Variants in SRD5A1 observed in about 807,000 individuals in gnomAD.
SRD5A1 encodes the protein 3-oxo-5-alpha-steroid 4-dehydrogenase 1.
Under a neutral mutation model 28.2 loss-of-function variants are expected in SRD5A1, and 22 were observed. The observed-to-expected ratio is 0.78, with a 90% CI of 0.56 to 1.12. SRD5A1 has a LOEUF of 1.12. Among genes scored for constraint, SRD5A1 ranks in the 50% most tolerant of loss-of-function variants. SRD5A1 has a pLI of 0.00. For synonymous variants in SRD5A1, 151 were observed against 135.0 expected, an observed-to-expected ratio of 1.12 and a Z score of -0.82; for missense variants, 300 against 346.7, an observed-to-expected ratio of 0.87 and a Z score of 1.07.
rs2126558215 is a variant in SRD5A1 at position 6,668,925 on chromosome 5, G to T, written c.*657G>T. The T allele has an allele frequency of 6.6e-6, 1 of 152,490 alleles. No individual in the cohort carries two copies. The highest frequency in any genetic ancestry group is 6.5e-5 in the Admixed American group (1 of 15,316). 9.4% of individuals were successfully genotyped at this position (152,490 alleles called of 1,614,324 possible). Reference sequence around the variant, plus strand: ...ACATCACCGGGCAGGGAGGGGTGCTGGTGGTGGTTCATACGGAGTAAGCTG... The same window carrying T: ...ACATCACCGGGCAGGGAGGGGTGCTTGTGGTGGTTCATACGGAGTAAGCTG... On this transcript the variant is annotated 3_prime_UTR_variant, in exon 5 of 5. Transcript: ENST00000274192.
At chr5:6,651,524 G>A (rs1390090276) in intron 1 of SRD5A1, among the ~76,000 whole-genome samples, 1 of 152,040 alleles carries the variant, frequency 6.6e-6, no homozygotes, top group African/African-American at 2.4e-5. Context: ...AATAAGTGTG[G>A]TGGCACATGC....
intron 4 of SRD5A1, among the ~76,000 whole-genome samples, chr5:6,664,374 GAAGAAGA>G (rs1019636322): frequency 1.2e-4 from 18 of 152,242 alleles, no homozygotes; most frequent in African/African-American, 4.3e-4. Flanking sequence ...TTGGAGATAA[GAAGAAGA>G]AAGGTCATAT....
chr5:6,645,125 A>T, intron 1 of SRD5A1: 7 of 401,062 alleles, frequency 1.7e-5, no homozygotes, highest in South Asian at 1.3e-4. Context: ...TGTCTTCCCC[A>T]GGAGTTAAGT....
intron 3 of SRD5A1, among the ~76,000 whole-genome samples, chr5:6,659,352 A>C (rs1334076799): frequency 6.6e-6 from 1 of 151,966 alleles, no homozygotes; most frequent in Non-Finnish European, 1.5e-5. Context: ...TGACCTCGTG[A>C]TCCGCCCACC....
chr5:6,663,636 G>A (rs1289770933), intron 4 of SRD5A1, among the ~76,000 whole-genome samples: 1 of 152,188 alleles, frequency 6.6e-6, no homozygotes, highest in East Asian at 1.9e-4. Context: ...AAGGCCGGTG[G>A]ATCACTTGAG....
intron 4 of SRD5A1, among the ~76,000 whole-genome samples, chr5:6,663,667 C>T (rs918011374): frequency 6.6e-6 from 1 of 152,130 alleles, no homozygotes; most frequent in Non-Finnish European, 1.5e-5. Context: ...CAAGACTCAC[C>T]TGGCCAACAT....
In SRD5A1 at chr5:6,633,465, G is replaced by C. The variant is rs1738038385; in HGVS notation, c.-112G>C. ...CCTTTCTGCAGAGTCCCGGCAGTGC[G>C]GGACTCCGGTAGCCGCCCCTCCGGT... On this transcript the variant is annotated 5_prime_UTR_variant, in exon 1 of 5. Transcript: ENST00000274192. The C allele has an allele frequency of 8.1e-7, 1 of 1,233,110 alleles. No homozygotes were observed. The highest frequency in any genetic ancestry group is 1.7e-5 in the South Asian group (1 of 57,968). 76.4% of individuals were successfully genotyped at this position (1,233,110 alleles called of 1,614,324 possible).
intron 1 of SRD5A1, 53 bp from the exon 2 acceptor site, chr5:6,651,789 A>ATCTT: frequency 6.6e-7 from 1 of 1,512,094 alleles, no homozygotes; most frequent in Non-Finnish European, 9.0e-7. Flanking sequence ...AGGATTACAG[A>ATCTT]AATGATTATC....
chr5:6,665,001 CTG>C (rs1417709341), intron 4 of SRD5A1, among the ~76,000 whole-genome samples: 1 of 152,274 alleles, frequency 6.6e-6, no homozygotes, highest in African/African-American at 2.4e-5. Context: ...GTGCTGAGAA[CTG>C]TGTCTGCCAG....
rs1739245723 is a variant in SRD5A1, at chr5:6,668,189, T to G, written c.714-13T>G. 1 of 1,515,090 alleles carries G rather than the reference T, an allele frequency of 6.6e-7. No homozygotes were observed. The highest frequency in any genetic ancestry group is 1.2e-5 in the South Asian group (1 of 81,382). 93.9% of individuals were successfully genotyped at this position (1,515,090 alleles called of 1,614,324 possible). A position where few individuals can be genotyped will look rare whatever the true frequency, so the allele number is the denominator to read the frequency against. ...CGACAGAATTATTTCCTTTTTTAATTTTTTTTTCTTAGGTGGTACCTCCGG... is the reference window on the plus strand; with the variant it reads ...CGACAGAATTATTTCCTTTTTTAATGTTTTTTTCTTAGGTGGTACCTCCGG... On this transcript the variant is annotated splice_polypyrimidine_tract_variant and intron_variant, in intron 4 of 4. Coordinates refer to ENST00000274192, the MANE Select transcript of SRD5A1 (RefSeq NM_001047.4).
intron 4 of SRD5A1, among the ~76,000 whole-genome samples, chr5:6,666,355 A>G (rs8192242): frequency 0.01 from 1,539 of 152,282 alleles, 13 homozygotes; most frequent in Non-Finnish European, 0.014. Context: ...TCACCGTGTC[A>G]GCCAGGATGG....
At chr5:6,648,568 T>C (rs181808626) in intron 1 of SRD5A1, among the ~76,000 whole-genome samples, 67 of 152,372 alleles carry the variant, frequency 4.4e-4, no homozygotes, top group African/African-American at 1.6e-3. Flanking sequence ...TTGATACTTG[T>C]GTATGCTTCA....
chr5:6,656,489 T>A (rs1738839655), intron 3 of SRD5A1, among the ~76,000 whole-genome samples: 1 of 152,180 alleles, frequency 6.6e-6, no homozygotes, highest in Non-Finnish European at 1.5e-5. Flanking sequence ...AGCAGTATAA[T>A]GGAATAGATA....
chr5:6,664,848 C>T (rs994187632), intron 4 of SRD5A1, among the ~76,000 whole-genome samples: 2 of 152,240 alleles, frequency 1.3e-5, no homozygotes, highest in African/African-American at 2.4e-5. Context: ...CAGAGAGCCA[C>T]GACCTACCTA....
At position 6,633,517 on chromosome 5, in the gene SRD5A1, C is replaced by T; in HGVS notation, c.-60C>T. The T allele has an allele frequency of 7.2e-7, 1 of 1,396,394 alleles. No individual in the cohort carries two copies. Among genetic ancestry groups the T allele is most frequent in the Non-Finnish European group, 9.2e-7 (1 of 1,084,396 alleles). 86.5% of individuals were successfully genotyped at this position (1,396,394 alleles called of 1,614,324 possible). A position where few individuals can be genotyped will look rare whatever the true frequency, so the allele number is the denominator to read the frequency against. On this transcript the variant is annotated 5_prime_UTR_variant, in exon 1 of 5. Coordinates refer to ENST00000274192, the MANE Select transcript of SRD5A1 (RefSeq NM_001047.4). ...GCCGCCCCTCCTGCCCCCGCGCCGCCGCCCTATATGTTGCCCGCCGCGGCC... is the reference window on the plus strand; with the variant it reads ...GCCGCCCCTCCTGCCCCCGCGCCGCTGCCCTATATGTTGCCCGCCGCGGCC...
intron 1 of SRD5A1, among the ~76,000 whole-genome samples, chr5:6,642,343 T>G (rs1298640317): frequency 6.6e-6 from 1 of 152,256 alleles, no homozygotes; most frequent in Non-Finnish European, 1.5e-5. Context: ...GGAATCCTGT[T>G]AGATTCTTCT....
chr5:6,660,110 C>T (rs980545566), intron 3 of SRD5A1, among the ~76,000 whole-genome samples: 1 of 152,182 alleles, frequency 6.6e-6, no homozygotes, highest in African/African-American at 2.4e-5. Flanking sequence ...GTGTGACGTC[C>T]ATAGTCAGTA....
chr5:6,655,335 T>C (rs1738799797), intron 2 of SRD5A1, among the ~76,000 whole-genome samples: 1 of 152,216 alleles, frequency 6.6e-6, no homozygotes, highest in South Asian at 2.1e-4. Context: ...ATGGAATTAA[T>C]TGATGTGATA....
At chr5:6,660,223 A>G (rs913832143) in intron 3 of SRD5A1, among the ~76,000 whole-genome samples, 2 of 152,230 alleles carry the variant, frequency 1.3e-5, no homozygotes, top group Non-Finnish European at 2.9e-5. Flanking sequence ...GTGTCTCAAG[A>G]GGACATTTTT....
Sources: allele counts gnomAD v4.1 joint callset (sites outside exome capture counted in the v4.1 genomes callset), GRCh38; gene constraint gnomAD v4.1.1; transcripts MANE v1.5; gene names NCBI Gene and HGNC (gene_info 2026-07-23, HGNC 2026-07-21).